Variants in PDLIM5 observed in about 807,000 individuals in gnomAD.
PDLIM5 encodes PDZ and LIM domain protein 5.
In PDLIM5, 34 loss-of-function variants were observed where a neutral mutation model predicts 64.2. The ratio of observed to expected loss-of-function variants is 0.53; its 90% CI spans 0.40 to 0.71. PDLIM5 has a LOEUF of 0.71. Among genes scored for constraint, PDLIM5 ranks in the 30% least tolerant of loss-of-function variants. PDLIM5 has a pLI of 0.00. For synonymous variants in PDLIM5, 253 were observed against 269.1 expected (o/e 0.94, Z 0.59); for missense variants, 683 against 733.6 (o/e 0.93, Z 0.80).
intron 5 of PDLIM5, among the ~76,000 whole-genome samples, chr4:94,576,249 G>A (rs1173817981): frequency 1.3e-5 from 2 of 151,204 alleles, no homozygotes; most frequent in African/African-American, 4.8e-5. Context: ...ATTTTGACAT[G>A]TTCTGAACCA....
chr4:94,567,397 T>C (rs1734434416), intron 3 of PDLIM5, among the ~76,000 whole-genome samples: 2 of 152,232 alleles, frequency 1.3e-5, no homozygotes, highest in Admixed American at 6.5e-5. Flanking sequence ...GATAAAAATA[T>C]ATTTTTTATC....
chr4:94,477,488 T>G (rs1725429236), intron 2 of PDLIM5, among the ~76,000 whole-genome samples: 2 of 152,174 alleles, frequency 1.3e-5, no homozygotes, highest in African/African-American at 2.4e-5. Flanking sequence ...AGATACTTCC[T>G]TTTTTGGAAT....
chr4:94,630,112 T>TA (rs1354860893), intron 8 of PDLIM5, among the ~76,000 whole-genome samples: 3 of 152,186 alleles, frequency 2.0e-5, no homozygotes, highest in African/African-American at 7.2e-5. Context: ...TTAGTATGTG[T>TA]AAAATTGCTA....
chr4:94,456,504 G>C (rs1033062274), intron 2 of PDLIM5: 20 of 705,424 alleles, frequency 2.8e-5, no homozygotes, highest in Non-Finnish European at 4.1e-5. Flanking sequence ...GGCCCACACT[G>C]TTTTATACTT....
chr4:94,510,167 G>GA (rs1728747242), intron 2 of PDLIM5, among the ~76,000 whole-genome samples: 1 of 152,136 alleles, frequency 6.6e-6, no homozygotes. Context: ...TCTTTCTAAA[G>GA]AAACAACAAT....
chr4:94,665,769 C>T lies in PDLIM5; in HGVS notation c.*1702C>T, dbSNP rs1743052598. ...ATTGAGACTTTTTGTGGTTTTCTCT[C>T]AATAATAAGTGAACCAATTTCAAAT... On this transcript the variant is annotated 3_prime_UTR_variant, in exon 13 of 13. Transcript: ENST00000317968. The T allele has an allele frequency of 2.4e-6, 3 of 1,252,002 alleles. No homozygotes were observed. The highest frequency in any genetic ancestry group is 3.1e-5 in the African/African-American group (2 of 64,600). The allele number at this position is 1,252,002 out of a possible 1,614,324, so 77.6% of individuals were successfully genotyped here.
In PDLIM5 at chr4:94,512,866, G is replaced by A. The variant is rs184756769; in HGVS notation, c.97-10858G>A. ...TTCTTGTAATAGTTTCATAGTTTGA[G>A]GTGTTTGAGTTAAGTCTTTAATCCA... On this transcript the variant is annotated intron_variant, in intron 2 of 12. Coordinates refer to ENST00000317968, the MANE Select transcript of PDLIM5 (RefSeq NM_006457.5). 2.1e-4 allele frequency among the ~76,000 whole-genome samples: 32 copies of A among 152,148 alleles called. 2 individuals carry two copies. In the South Asian group the frequency reaches 2.7e-3, roughly 13 times the overall value.
chr4:94,583,993 G>A (rs1199287503), intron 5 of PDLIM5, among the ~76,000 whole-genome samples: 5 of 152,190 alleles, frequency 3.3e-5, no homozygotes, highest in Non-Finnish European at 5.9e-5. Context: ...TGATTTTAAA[G>A]CCAGTGTTAC....
At chr4:94,468,017 C>A (rs1724523061) in intron 2 of PDLIM5, among the ~76,000 whole-genome samples, 1 of 152,198 alleles carries the variant, frequency 6.6e-6, no homozygotes, top group Non-Finnish European at 1.5e-5. Flanking sequence ...TAGAACTGAA[C>A]CTAATACCTC....
In PDLIM5 at chr4:94,640,169, A is replaced by G. The variant is rs184060634; in HGVS notation, c.1109-107A>G. ...TCACTGTAAATGTGAGTGAGTGAAT[A>G]ACAAGTGAATAGATTACTGTTAAAA... On this transcript the variant is annotated intron_variant, in intron 8 of 12. Transcript: ENST00000317968. 2.6e-5 allele frequency: 14 copies of G among 542,576 alleles called. No homozygotes were observed. In the Admixed American group the frequency reaches 4.0e-4, roughly 15 times the overall value. 33.6% of individuals were successfully genotyped at this position (542,576 alleles called of 1,614,324 possible).
At chr4:94,549,748 A>G (rs1240702631) in intron 3 of PDLIM5, 2 of 152,148 alleles carry the variant, frequency 1.3e-5, no homozygotes, top group Non-Finnish European at 2.9e-5. Context: ...CTCAATTAAC[A>G]TATTTTCCCT....
At chr4:94,539,253 T>G (rs920435785) in intron 3 of PDLIM5, among the ~76,000 whole-genome samples, 1 of 152,198 alleles carries the variant, frequency 6.6e-6, no homozygotes, top group African/African-American at 2.4e-5. Flanking sequence ...TATGTGTCTA[T>G]GTATAATATA....
At chr4:94,575,044 A>G (rs1404001707) in intron 4 of PDLIM5, among the ~76,000 whole-genome samples, 1 of 149,204 alleles carries the variant, frequency 6.7e-6, no homozygotes, top group African/African-American at 2.5e-5. Context: ...GAGTTTGCAC[A>G]TTCCTGAGTT....
chr4:94,662,365 A>T (rs911244534), intron 11 of PDLIM5, 57 bp from the exon 12 acceptor site: 3 of 804,968 alleles, frequency 3.7e-6, no homozygotes, highest in Non-Finnish European at 6.4e-6. Context: ...TCTAGGAACG[A>T]TCATTCTAAA....
At chr4:94,637,357 G>A (rs1157588782) in intron 8 of PDLIM5, among the ~76,000 whole-genome samples, 2 of 152,044 alleles carry the variant, frequency 1.3e-5, no homozygotes, top group Non-Finnish European at 2.9e-5. Flanking sequence ...TCAGGAGTTC[G>A]AGACCAGCCT....
At chr4:94,636,597 G>A (rs1740587880) in intron 8 of PDLIM5, among the ~76,000 whole-genome samples, 1 of 143,326 alleles carries the variant, frequency 7.0e-6, no homozygotes, top group African/African-American at 2.8e-5. Context: ...GGAGTGCAGT[G>A]GTGCGATCTT....
chr4:94,479,139 A>G (rs182572737), intron 2 of PDLIM5, among the ~76,000 whole-genome samples: 245 of 150,958 alleles, frequency 1.6e-3, no homozygotes, highest in Non-Finnish European at 2.6e-3. Context: ...GGCTCAAGCA[A>G]TCCTCCCACC....
At chr4:94,554,008 A>G (rs1374515274) in intron 3 of PDLIM5, among the ~76,000 whole-genome samples, 4 of 152,346 alleles carry the variant, frequency 2.6e-5, no homozygotes, top group East Asian at 3.9e-4. Flanking sequence ...AAAAATGACT[A>G]TATCATAAAA....
At chr4:94,566,558 A>G (rs1252564261) in intron 3 of PDLIM5, among the ~76,000 whole-genome samples, 1 of 152,174 alleles carries the variant, frequency 6.6e-6, no homozygotes, top group Non-Finnish European at 1.5e-5. Context: ...ACATTACCTC[A>G]TTGCGTCCTC....
Sources: allele counts gnomAD v4.1 joint callset (sites outside exome capture counted in the v4.1 genomes callset), GRCh38; gene constraint gnomAD v4.1.1; transcripts MANE v1.5; gene names NCBI Gene and HGNC (gene_info 2026-07-23, HGNC 2026-07-21).